Variants in CACNA1C observed in about 807,000 individuals in gnomAD.
CACNA1C encodes voltage-dependent L-type calcium channel subunit alpha-1C.
Under a neutral mutation model 229.0 loss-of-function variants are expected in CACNA1C, and 30 were observed. That is an observed-to-expected ratio of 0.13 (90% CI 0.10 to 0.18). The LOEUF is 0.18. Among genes scored for constraint, CACNA1C ranks in the 10% least tolerant of loss-of-function variants. CACNA1C has a pLI of 1.00. For synonymous variants in CACNA1C, 1,114 were observed against 1,132.5 expected, an observed-to-expected ratio of 0.98 and a Z score of 0.33; for missense variants, 1,658 against 2,845.0, an observed-to-expected ratio of 0.58 and a Z score of 9.49.
At chr12:2,007,892 A>C (rs1346658519) in intron 1 of CACNA1C, among the ~76,000 whole-genome samples, 1 of 152,142 alleles carries the variant, frequency 6.6e-6, no homozygotes, top group Non-Finnish European at 1.5e-5. Flanking sequence ...TTCTTGTGGC[A>C]CTTAGCTCAC....
chr12:2,389,452 G>A (rs1263158583), intron 3 of CACNA1C, among the ~76,000 whole-genome samples: 1 of 152,202 alleles, frequency 6.6e-6, no homozygotes, highest in African/African-American at 2.4e-5. Flanking sequence ...GTTGTCATTT[G>A]TTTTGAAGTA....
rs764588594 is a variant in CACNA1C at position 2,605,798 on chromosome 12, G to T, written c.3156+12G>T. The T allele has an allele frequency of 1.1e-5, 18 of 1,572,508 alleles. 1 individual carries two copies. In the South Asian group the frequency reaches 1.9e-4, roughly 16 times the overall value. Reference sequence around the variant, plus strand: ...TCCAGCTCTTCAAGGTAAAGTCTGGGCTCCGTTGTGGTCCTCCTACCTCCC... The same window carrying T: ...TCCAGCTCTTCAAGGTAAAGTCTGGTCTCCGTTGTGGTCCTCCTACCTCCC... On this transcript the variant is annotated intron_variant, in intron 24 of 46. Coordinates refer to ENST00000399655, the MANE Select transcript of CACNA1C (RefSeq NM_000719.7). This position sits in a 1 kb window ranked among gnomAD's most constrained non-coding sequence, Gnocchi z 6.2.
chr12:1,980,910 A>G (rs2035941563), intron 1 of CACNA1C, among the ~76,000 whole-genome samples: 1 of 152,012 alleles, frequency 6.6e-6, no homozygotes, highest in Non-Finnish European at 1.5e-5. Flanking sequence ...AAATCACAAT[A>G]TCTCAATAAG....
intron 3 of CACNA1C, among the ~76,000 whole-genome samples, chr12:2,377,171 G>T (rs1322784099): frequency 6.6e-6 from 1 of 152,136 alleles, no homozygotes; most frequent in Non-Finnish European, 1.5e-5. Context: ...GGCTGTCCTG[G>T]GAGCCCATAG....
At chr12:2,502,220 G>A (rs1158084730) in intron 7 of CACNA1C, among the ~76,000 whole-genome samples, 2 of 152,178 alleles carry the variant, frequency 1.3e-5, no homozygotes, top group Admixed American at 1.3e-4. Flanking sequence ...CAAGGATTTC[G>A]TGTTTACAGC....
intron 3 of CACNA1C, among the ~76,000 whole-genome samples, chr12:2,167,915 C>G (rs1210174724): frequency 1.3e-5 from 2 of 152,164 alleles, no homozygotes; most frequent in Non-Finnish European, 2.9e-5. Flanking sequence ...GAGTTGCTCT[C>G]TAGTGCATGC....
intron 10 of CACNA1C, 141 bp downstream of exon 10, chr12:2,550,174 G>T (rs1568368625): frequency 2.8e-6 from 2 of 702,132 alleles, no homozygotes; most frequent in Non-Finnish European, 4.9e-6. Context: ...AACCTCAGGT[G>T]GGAACCAAGA....
In CACNA1C at chr12:2,188,874, C is replaced by T. The variant is rs537229574; in HGVS notation, c.477+68444C>T. Among the ~76,000 whole-genome samples, 455 of 152,012 alleles carry T rather than the reference C, an allele frequency of 3.0e-3. 5 individuals carry two copies. The highest frequency in any genetic ancestry group is 0.01 in the African/African-American group (417 of 41,478). ...TTGGGAGGCCGAGGCAGGCGGATCACGAGGTCAGGAGATCAAGACCATCCT... is the reference window on the plus strand; with the variant it reads ...TTGGGAGGCCGAGGCAGGCGGATCATGAGGTCAGGAGATCAAGACCATCCT... On this transcript the variant is annotated intron_variant, in intron 3 of 46. Coordinates refer to ENST00000399655, the MANE Select transcript of CACNA1C (RefSeq NM_000719.7).
chr12:2,167,371 T>C (rs1283823118), intron 3 of CACNA1C, among the ~76,000 whole-genome samples: 2 of 152,244 alleles, frequency 1.3e-5, no homozygotes, highest in East Asian at 1.9e-4. Context: ...TCAGTCTCCA[T>C]TGATTGCCTA....
At chr12:2,321,572 A>G (rs1207069046) in intron 3 of CACNA1C, among the ~76,000 whole-genome samples, 1 of 152,196 alleles carries the variant, frequency 6.6e-6, no homozygotes, top group Non-Finnish European at 1.5e-5. Context: ...GCTTGCATTT[A>G]GTGGCATGTG....
intron 1 of CACNA1C, chr12:1,997,903 T>C: frequency 1.3e-6 from 2 of 1,549,346 alleles, no homozygotes; most frequent in South Asian, 2.3e-5. Flanking sequence ...ATTTTGAAGA[T>C]TAGTTTCTTT....
intron 3 of CACNA1C, among the ~76,000 whole-genome samples, chr12:2,228,564 A>G (rs2063731259): frequency 6.6e-6 from 1 of 152,196 alleles, no homozygotes; most frequent in Non-Finnish European, 1.5e-5. Context: ...GGTATGTGCT[A>G]AAGAGGTAGG....
intron 3 of CACNA1C, among the ~76,000 whole-genome samples, chr12:2,208,233 A>G (rs1030822033): frequency 6.9e-6 from 1 of 144,736 alleles, no homozygotes; most frequent in Non-Finnish European, 1.5e-5. Flanking sequence ...GAACTTCTCT[A>G]TGTCTAAGAG....
chr12:1,991,982 C>CA (rs1254905301), intron 1 of CACNA1C: 46 of 220,288 alleles, frequency 2.1e-4, no homozygotes, highest in Middle Eastern at 1.8e-3. Flanking sequence ...CTAATAATCT[C>CA]AAAAAAAACC....
At chr12:1,990,085 A>C (rs1227772242) in intron 1 of CACNA1C, among the ~76,000 whole-genome samples, 1 of 152,220 alleles carries the variant, frequency 6.6e-6, no homozygotes, top group Non-Finnish European at 1.5e-5. Context: ...TGGGTCTCGA[A>C]GTTAAGGTTT....
Position 2,691,476 on chromosome 12 carries a change from G to T in CACNA1C, c.*277G>T, listed in dbSNP as rs2097787795. 2 of 367,440 alleles carry T rather than the reference G, an allele frequency of 5.4e-6. No homozygotes were observed. The highest frequency in any genetic ancestry group is 9.2e-5 in the Admixed American group (2 of 21,658). 22.8% of individuals were successfully genotyped at this position (367,440 alleles called of 1,614,324 possible). On this transcript the variant is annotated 3_prime_UTR_variant, in exon 47 of 47. Transcript: ENST00000399655. ...CAGCTCGCAGGCCCCGGGCCCGGCCGCGCCTCCGCGGGGAGAGCACCCCGG... is the reference window on the plus strand; with the variant it reads ...CAGCTCGCAGGCCCCGGGCCCGGCCTCGCCTCCGCGGGGAGAGCACCCCGG...
At chr12:2,290,910 C>T (rs148676021) in intron 3 of CACNA1C, among the ~76,000 whole-genome samples, 4 of 152,310 alleles carry the variant, frequency 2.6e-5, no homozygotes, top group African/African-American at 9.6e-5. Flanking sequence ...TCTAAAATAG[C>T]CCTTCTGTGG....
intron 3 of CACNA1C, among the ~76,000 whole-genome samples, chr12:2,262,421 A>G (rs1289893808): frequency 6.6e-6 from 1 of 152,208 alleles, no homozygotes; most frequent in African/African-American, 2.4e-5. Context: ...CCAAGGGAAA[A>G]GCAACATTGA....
intron 3 of CACNA1C, among the ~76,000 whole-genome samples, chr12:2,197,806 C>T (rs1365863617): frequency 2.0e-5 from 3 of 152,110 alleles, no homozygotes; most frequent in African/African-American, 7.2e-5. Flanking sequence ...CAAAATCTGA[C>T]AGTTTTGAGG....
Sources: allele counts gnomAD v4.1 joint callset (sites outside exome capture counted in the v4.1 genomes callset), GRCh38; gene constraint gnomAD v4.1.1; non-coding constraint Gnocchi (gnomAD v3.1); transcripts MANE v1.5; gene names NCBI Gene and HGNC (gene_info 2026-07-23, HGNC 2026-07-21).